Variants in TTC34 observed in about 807,000 individuals in gnomAD.
TTC34 encodes tetratricopeptide repeat protein 34.
Under a neutral mutation model 40.7 loss-of-function variants are expected in TTC34, and 44 were observed. That is an observed-to-expected ratio of 1.08 (90% CI 0.85 to 1.39). TTC34 has a LOEUF of 1.39. TTC34 is among the 40% of genes most tolerant of loss of function. The probability of loss-of-function intolerance (pLI) is 0.00; values close to 1 mark genes in which losing one functional copy is unlikely to be tolerated. For synonymous variants in TTC34, 422 were observed against 398.6 expected (o/e 1.06, Z -0.70); for missense variants, 884 against 838.0 (o/e 1.05, Z -0.68).
chr1:2,800,990 C>G, intron 1 of TTC34, 122 bp from the exon 2 acceptor site: 1 of 397,852 alleles, frequency 2.5e-6, no homozygotes, highest in Non-Finnish European at 4.4e-6. Context: ...CAGTGCAGAC[C>G]CCACTGGGTG....
exon 9 of TTC34, chr1:2,637,532 T>C (rs1246290550): frequency 6.6e-6 from 1 of 152,234 alleles, no homozygotes; most frequent in Admixed American, 6.5e-5. Flanking sequence ...CACAGTGTTG[T>C]TGGGGGAGCT....
chr1:2,682,716 TGA>T (rs1241869126), intron 6 of TTC34, among the ~76,000 whole-genome samples: 36 of 87,086 alleles, frequency 4.1e-4, no homozygotes, highest in Non-Finnish European at 8.0e-4. Flanking sequence ...CACACCCAGG[TGA>T]GCAACTGACA....
chr1:2,748,928 G>T (rs1404698785), intron 6 of TTC34, among the ~76,000 whole-genome samples: 195 of 2,472 alleles, frequency 0.079, 1 homozygote, highest in East Asian at 0.12. Context: ...CACCGCCAGG[G>T]GAGTATCTGA....
intron 6 of TTC34, among the ~76,000 whole-genome samples, chr1:2,778,054 C>G (rs1038564224): frequency 2.6e-5 from 4 of 152,232 alleles, no homozygotes; most frequent in African/African-American, 9.6e-5. Context: ...TGTCTCCCTC[C>G]CTGGGGCCCA....
chr1:2,769,752 C>A (rs1641997134), intron 6 of TTC34, among the ~76,000 whole-genome samples: 5 of 149,286 alleles, frequency 3.3e-5, no homozygotes, highest in African/African-American at 5.0e-5. Context: ...GCGCCCACAC[C>A]CCCAGGTGAG....
intron 2 of TTC34, among the ~76,000 whole-genome samples, chr1:2,794,108 A>T (rs939076178): frequency 1.3e-5 from 2 of 152,042 alleles, no homozygotes; most frequent in African/African-American, 4.8e-5. Context: ...AGATCCTCCC[A>T]TGTCAGTCTG....
intron 6 of TTC34, among the ~76,000 whole-genome samples, chr1:2,755,734 G>T (rs1641482059): frequency 5.7e-5 from 4 of 70,026 alleles, no homozygotes; most frequent in Admixed American, 1.8e-4. Flanking sequence ...GCCTGGAGCA[G>T]CACCCACACA....
chr1:2,644,267 G>C (rs1317250385), exon 8 of TTC34: 8 of 1,533,374 alleles, frequency 5.2e-6, no homozygotes, highest in Non-Finnish European at 7.0e-6. Context: ...TGGGCACCTG[G>C]GCAAGGCTCT....
intron 6 of TTC34, among the ~76,000 whole-genome samples, chr1:2,688,251 C>T (rs1640461335): frequency 2.0e-5 from 3 of 150,746 alleles, no homozygotes; most frequent in South Asian, 2.1e-4. Context: ...ACCCACACCC[C>T]CAGGGGAGCA....
chr1:2,654,284 C>T (rs570704319), intron 6 of TTC34, among the ~76,000 whole-genome samples: 1 of 10,308 alleles, frequency 9.7e-5, no homozygotes, highest in Non-Finnish European at 6.9e-4. Context: ...GGAAAAGCAC[C>T]CTGCACCCCC....
intron 6 of TTC34, among the ~76,000 whole-genome samples, chr1:2,769,977 G>C (rs1275072629): frequency 1.9e-5 from 1 of 51,438 alleles, no homozygotes; most frequent in African/African-American, 1.1e-4. Context: ...TGGCAACCTG[G>C]AACAGCATCT....
intron 8 of TTC34, among the ~76,000 whole-genome samples, chr1:2,643,498 C>A (rs1638954813): frequency 6.6e-6 from 1 of 152,176 alleles, no homozygotes; most frequent in South Asian, 2.1e-4. Context: ...CCGCCCCCTG[C>A]CAGGCCCTGC....
chr1:2,800,254 G>A lies in TTC34; in HGVS notation c.574C>T (p.Gln192Ter), dbSNP rs940684553. 5.0e-6 allele frequency: 2 copies of A among 398,434 alleles called. No individual in the cohort carries two copies. The highest frequency in any genetic ancestry group is 4.4e-5 in the Admixed American group (1 of 22,720). The allele number at this position is 398,434 out of a possible 1,614,324, so 24.7% of individuals were successfully genotyped here. Residue 192 changes from glutamine (Q) to a stop codon, truncating the protein, a stop_gained, in exon 2 of 9, where the codon CAG becomes TAG. Transcript: ENST00000401095. LOFTEE classifies it high-confidence loss of function. Reference sequence around the variant, plus strand: ...TCCGGGTGCCCCGAGAGGTAGTCCTGGAGGGCACTGAGCAGCGCGGGGAGG... The same window carrying A: ...TCCGGGTGCCCCGAGAGGTAGTCCTAGAGGGCACTGAGCAGCGCGGGGAGG...
At chr1:2,644,424 G>T in exon 8 of TTC34, 1 of 1,536,054 alleles carries the variant, frequency 6.5e-7, no homozygotes, top group Non-Finnish European at 8.7e-7. Context: ...TGCCTCTGAC[G>T]TTGGGGCACG....
In TTC34 at chr1:2,687,818, C is replaced by A. The variant is rs74585128; in HGVS notation, c.2227-42255G>T. The stretch of plus-strand genomic sequence containing the variant: ...GTCGGCACCCACACCTCCAGGTGAG[C>A]ATCTGATGGTCTGGAGCATTACCCA... On this transcript the variant is annotated intron_variant, in intron 6 of 8. Coordinates refer to ENST00000401095, the Ensembl canonical transcript of TTC34. Among the ~76,000 whole-genome samples the A allele has an allele frequency of 2.0e-3, 257 of 130,800 alleles. 4 individuals carry two copies. The highest frequency in any genetic ancestry group is 7.1e-3 in the African/African-American group (244 of 34,142). 85.8% of individuals were successfully genotyped at this position (130,800 alleles called of 152,430 possible).
chr1:2,753,283 C>T (rs1375867506), intron 6 of TTC34, among the ~76,000 whole-genome samples: 4 of 46,932 alleles, frequency 8.5e-5, no homozygotes, highest in Non-Finnish European at 1.7e-4. Flanking sequence ...CAGCCTGGAA[C>T]AGCACCCTGC....
At chr1:2,647,971 G>C (rs894277941) in intron 6 of TTC34, among the ~76,000 whole-genome samples, 1 of 150,090 alleles carries the variant, frequency 6.7e-6, no homozygotes, top group Admixed American at 6.6e-5. Context: ...GATATGCTGC[G>C]TTTCAGATCT....
exon 3 of TTC34, chr1:2,789,786 G>A (rs1432964301): frequency 9.6e-6 from 5 of 520,882 alleles, no homozygotes; most frequent in Middle Eastern, 5.0e-4. Flanking sequence ...CAGCCCCCCG[G>A]GTGCGGCGCC....
intron 8 of TTC34, among the ~76,000 whole-genome samples, chr1:2,642,749 C>T (rs1021458964): frequency 6.6e-6 from 1 of 152,210 alleles, no homozygotes. Context: ...CTACCTCCCC[C>T]GGGGGGCGCA....
Sources: allele counts gnomAD v4.1 joint callset (sites outside exome capture counted in the v4.1 genomes callset), GRCh38; gene constraint gnomAD v4.1.1; transcripts MANE v1.5; gene names NCBI Gene and HGNC (gene_info 2026-07-23, HGNC 2026-07-21).